Variants in NPAS3 observed in about 807,000 individuals in gnomAD.
NPAS3 encodes neuronal PAS domain protein 3, also known as neuronal PAS domain-containing protein 3.
Under a neutral mutation model 73.1 loss-of-function variants are expected in NPAS3, and 14 were observed. The observed-to-expected ratio is 0.19, with a 90% CI of 0.13 to 0.30. The LOEUF is 0.30. NPAS3 is among the 10% of genes least tolerant of loss of function. NPAS3 has a pLI of 1.00. For synonymous variants in NPAS3, 620 were observed against 541.5 expected (o/e 1.14, Z -2.01); for missense variants, 1,096 against 1,250.0 (o/e 0.88, Z 1.86).
intron 3 of NPAS3, among the ~76,000 whole-genome samples, chr14:33,327,653 G>T (rs2140261549): frequency 6.6e-6 from 1 of 152,306 alleles, no homozygotes; most frequent in East Asian, 1.9e-4. Context: ...TAGGAAATAA[G>T]GGGAAGTTTC....
intron 3 of NPAS3, among the ~76,000 whole-genome samples, chr14:33,280,792 CTCT>C (rs1452242439): frequency 1.3e-5 from 2 of 152,138 alleles, no homozygotes; most frequent in African/African-American, 2.4e-5. Flanking sequence ...GCAGCTAGTC[CTCT>C]TCTTTACGTG....
chr14:33,713,515 C>G (rs565890635), intron 6 of NPAS3, among the ~76,000 whole-genome samples: 3 of 152,258 alleles, frequency 2.0e-5, no homozygotes, highest in Non-Finnish European at 4.4e-5. Context: ...AGTGCCTATG[C>G]AGTCACCTTT....
At chr14:33,331,748 A>G (rs2043996600) in intron 3 of NPAS3, among the ~76,000 whole-genome samples, 1 of 152,200 alleles carries the variant, frequency 6.6e-6, no homozygotes, top group East Asian at 1.9e-4. Flanking sequence ...TTTGAACATG[A>G]TGACATCATT....
intron 7 of NPAS3, among the ~76,000 whole-genome samples, chr14:33,744,154 A>G (rs2061725710): frequency 6.6e-6 from 1 of 152,220 alleles, no homozygotes; most frequent in African/African-American, 2.4e-5. Context: ...CTTTTGGCCA[A>G]TCTCAGCTTT....
At chr14:32,984,725 A>G (rs1290700725) in intron 1 of NPAS3, among the ~76,000 whole-genome samples, 1 of 152,176 alleles carries the variant, frequency 6.6e-6, no homozygotes, top group Non-Finnish European at 1.5e-5. Flanking sequence ...AACCGAAATA[A>G]TGTCTTTATT....
chr14:33,660,348 A>G (rs1032023893), intron 5 of NPAS3, among the ~76,000 whole-genome samples: 12 of 152,160 alleles, frequency 7.9e-5, no homozygotes, highest in Admixed American at 3.9e-4. Context: ...CTCATTTCTA[A>G]ACTGAAACTG....
chr14:33,619,721 A>G (rs2058026746), intron 5 of NPAS3, among the ~76,000 whole-genome samples: 1 of 152,238 alleles, frequency 6.6e-6, no homozygotes. Flanking sequence ...AAAAAGGTGC[A>G]TTATTGGGAA....
At chr14:32,980,352 C>T (rs910281321) in intron 1 of NPAS3, among the ~76,000 whole-genome samples, 1 of 152,116 alleles carries the variant, frequency 6.6e-6, no homozygotes, top group African/African-American at 2.4e-5. Flanking sequence ...CCATGAGGTA[C>T]TAACGCACTA....
intron 1 of NPAS3, among the ~76,000 whole-genome samples, chr14:33,010,977 A>C (rs906428964): frequency 6.6e-6 from 1 of 151,698 alleles, no homozygotes; most frequent in Non-Finnish European, 1.5e-5. Context: ...CATTGACATA[A>C]ATGTGAGCTC....
chr14:33,074,200 T>C (rs1343856880), intron 2 of NPAS3, among the ~76,000 whole-genome samples: 3 of 152,182 alleles, frequency 2.0e-5, no homozygotes, highest in Non-Finnish European at 2.9e-5. Context: ...TTTCTGCAGA[T>C]GGATTATTAT....
intron 3 of NPAS3, among the ~76,000 whole-genome samples, chr14:33,335,218 G>GA (rs1162985793): frequency 6.6e-6 from 1 of 152,128 alleles, no homozygotes; most frequent in Non-Finnish European, 1.5e-5. Context: ...TAGATACCTA[G>GA]AAGTGGGAGA....
At position 33,699,151 on chromosome 14, in the gene NPAS3, C is replaced by CA. The variant is rs201448037; in HGVS notation, c.733+22775dup. On this transcript the variant is annotated intron_variant, in intron 6 of 11. Transcript: ENST00000356141. ...ACCCTTCTGTGCTGTTTTAACGTTT[C>CA]AAAAAAAAACATGTGCATGTGTTAA... Among the ~76,000 whole-genome samples the CA allele has an allele frequency of 5.1e-4, 77 of 150,754 alleles. 1 individual carries two copies. The South Asian group carries it at 5.9e-3, about 12-fold the overall frequency.
At chr14:33,556,966 C>G (rs1295426406) in intron 4 of NPAS3, among the ~76,000 whole-genome samples, 1 of 152,106 alleles carries the variant, frequency 6.6e-6, no homozygotes, top group African/African-American at 2.4e-5. Context: ...TGATTGTGTA[C>G]CAAGCCATGG....
chr14:33,340,708 G>C (rs1035909928), intron 3 of NPAS3, among the ~76,000 whole-genome samples: 1 of 152,160 alleles, frequency 6.6e-6, no homozygotes, highest in Non-Finnish European at 1.5e-5. Flanking sequence ...GATCAGCTCT[G>C]TAAAATTCTA....
intron 3 of NPAS3, among the ~76,000 whole-genome samples, chr14:33,302,475 G>A (rs2042591481): frequency 6.6e-6 from 1 of 152,174 alleles, no homozygotes; most frequent in Admixed American, 6.5e-5. Context: ...AAAACGGTGA[G>A]ATCCAGCCAT....
At chr14:33,729,391 G>A (rs76432991) in intron 6 of NPAS3, among the ~76,000 whole-genome samples, 3,336 of 152,178 alleles carry the variant, frequency 0.022, 57 homozygotes, top group Non-Finnish European at 0.033. Context: ...TCTGGTATTG[G>A]ATAACAAATT....
At chr14:33,329,946 C>T (rs2043905284) in intron 3 of NPAS3, among the ~76,000 whole-genome samples, 2 of 152,112 alleles carry the variant, frequency 1.3e-5, no homozygotes, top group Non-Finnish European at 2.9e-5. Flanking sequence ...TGCTTTGACA[C>T]ATATTAGGAA....
At chr14:33,544,788 T>TTATATATATATATATATATATATATAA (rs71406561) in intron 4 of NPAS3, among the ~76,000 whole-genome samples, 1 of 63,256 alleles carries the variant, frequency 1.6e-5, no homozygotes, top group African/African-American at 8.6e-5. Flanking sequence ...TGTGTGTGTA[T>TTATATATATATATATATATATATATAA]TATATATATA....
intron 2 of NPAS3, among the ~76,000 whole-genome samples, chr14:33,160,775 G>A (rs1253044146): frequency 6.6e-6 from 1 of 151,458 alleles, no homozygotes; most frequent in African/African-American, 2.4e-5. Context: ...CAGGAACTTG[G>A]GTGAAGTCAG....
Sources: allele counts gnomAD v4.1 joint callset (sites outside exome capture counted in the v4.1 genomes callset), GRCh38; gene constraint gnomAD v4.1.1; transcripts MANE v1.5; gene names NCBI Gene and HGNC (gene_info 2026-07-23, HGNC 2026-07-21).